L3MBTL4: variants seen among roughly 807,000 people sequenced by gnomAD.
L3MBTL4 encodes the protein lethal(3)malignant brain tumor-like protein 4.
A neutral mutation model predicts 84.5 loss-of-function variants in L3MBTL4; 70 were observed. The observed-to-expected ratio is 0.83, with a 90% CI of 0.68 to 1.01. The LOEUF (loss-of-function observed/expected upper bound fraction) is 1.01, where lower values mean the gene tolerates loss of function less well. Among genes scored for constraint, L3MBTL4 ranks in the 50% least tolerant of loss-of-function variants. The pLI is 0.00. For synonymous variants in L3MBTL4, 274 were observed against 259.8 expected, an observed-to-expected ratio of 1.05 and a Z score of -0.52; for missense variants, 715 against 754.8, an observed-to-expected ratio of 0.95 and a Z score of 0.62.
chr18:6,079,719 A>C (rs1326967261), intron 16 of L3MBTL4, among the ~76,000 whole-genome samples: 1 of 152,094 alleles, frequency 6.6e-6, no homozygotes, highest in Non-Finnish European at 1.5e-5. Context: ...CTTTTTTTTT[A>C]AGGCTTCTTA....
In L3MBTL4 at chr18:6,153,522, A is replaced by G. The variant is rs112795366; in HGVS notation, c.1097-15226T>C. On this transcript the variant is annotated intron_variant, in intron 13 of 18. Transcript: ENST00000317931. ...CTCATTGTTAGTGTATAAAGACCCA[A>G]CTGATTTTTGTATATTGATTTTGTA... 4.6e-3 allele frequency among the ~76,000 whole-genome samples: 707 copies of G among 152,248 alleles called. 3 individuals carry two copies. Among genetic ancestry groups the G allele is most frequent in the African/African-American group, 0.016 (684 of 41,548 alleles).
intron 14 of L3MBTL4, among the ~76,000 whole-genome samples, chr18:6,102,193 G>C (rs1048353001): frequency 9.2e-5 from 14 of 152,296 alleles, no homozygotes; most frequent in African/African-American, 3.4e-4. Flanking sequence ...CAGCTCAGCA[G>C]CACATCAGTG....
At chr18:6,253,342 C>G (rs1406971490) in intron 5 of L3MBTL4, among the ~76,000 whole-genome samples, 1 of 152,242 alleles carries the variant, frequency 6.6e-6, no homozygotes, top group Admixed American at 6.5e-5. Flanking sequence ...AATTCAAATT[C>G]AGGCCTTGGC....
At chr18:6,081,933 C>T (rs1156907498) in intron 15 of L3MBTL4, among the ~76,000 whole-genome samples, 1 of 152,094 alleles carries the variant, frequency 6.6e-6, no homozygotes, top group Non-Finnish European at 1.5e-5. Flanking sequence ...CTATTGAACT[C>T]CAACTTTGGA....
At chr18:6,244,457 G>GC (rs1377383017) in intron 6 of L3MBTL4, 27 bp downstream of exon 6, 2 of 1,431,146 alleles carry the variant, frequency 1.4e-6, no homozygotes, top group Admixed American at 3.4e-5. Context: ...TAGGCAATTA[G>GC]CCCAAGACAG....
Position 6,289,077 on chromosome 18 carries a change from T to C in L3MBTL4, c.127+12826A>G, listed in dbSNP as rs530073504. On this transcript the variant is annotated intron_variant, in intron 4 of 18. Transcript: ENST00000317931. ...TATATAGTAAGTTGTTGTCCTAAGA[T>C]AAAATGATTGGTTGTCCCAAAGTTT... Among the ~76,000 whole-genome samples, 8 of 152,130 alleles carry C rather than the reference T, an allele frequency of 5.3e-5. No individual in the cohort carries two copies. In the East Asian group the frequency reaches 1.5e-3, roughly 29 times the overall value.
chr18:6,114,727 T>C (rs149092294), intron 14 of L3MBTL4, among the ~76,000 whole-genome samples: 4 of 152,358 alleles, frequency 2.6e-5, no homozygotes, highest in African/African-American at 9.6e-5. Flanking sequence ...GATTCTCAAA[T>C]CTATTTTTCA....
intron 3 of L3MBTL4, among the ~76,000 whole-genome samples, chr18:6,310,005 C>T (rs1192817150): frequency 6.6e-6 from 1 of 152,098 alleles, no homozygotes; most frequent in Non-Finnish European, 1.5e-5. Flanking sequence ...ATTGCTGGGC[C>T]CCACCCCTAG....
chr18:5,998,297 G>T (rs2054067681), intron 16 of L3MBTL4, among the ~76,000 whole-genome samples: 1 of 152,182 alleles, frequency 6.6e-6, no homozygotes. Flanking sequence ...GCGGGAGGGG[G>T]ACTAGGAACA....
chr18:6,196,227 A>G lies in L3MBTL4; in HGVS notation c.981+16922T>C, dbSNP rs544844127. Reference sequence around the variant, plus strand: ...GGCTGTACTGCAGTGGCATGATCTCAGCTCACTGCAAGCTCCACCTCCCGG... The same window carrying G: ...GGCTGTACTGCAGTGGCATGATCTCGGCTCACTGCAAGCTCCACCTCCCGG... On this transcript the variant is annotated intron_variant, in intron 12 of 18. Transcript: ENST00000317931. Among the ~76,000 whole-genome samples, 100 of 142,176 alleles carry G rather than the reference A, an allele frequency of 7.0e-4. 1 individual carries two copies. In the Middle Eastern group the frequency reaches 0.011, roughly 16 times the overall value. The allele number at this position is 142,176 out of a possible 152,430, so 93.3% of individuals were successfully genotyped here.
intron 10 of L3MBTL4, among the ~76,000 whole-genome samples, chr18:6,222,049 C>G (rs1334163617): frequency 2.0e-5 from 3 of 152,182 alleles, no homozygotes; most frequent in Admixed American, 6.5e-5. Context: ...TCAATCGTGG[C>G]CAAGCCTAAT....
intron 14 of L3MBTL4, among the ~76,000 whole-genome samples, chr18:6,133,333 T>TCACACACACACACACACACACACACA (rs71699994): frequency 1.4e-5 from 2 of 146,694 alleles, no homozygotes; most frequent in African/African-American, 5.0e-5. Flanking sequence ...CAGCTCTAGA[T>TCACACACACACACACACACACACACA]CACACACACA....
chr18:6,016,802 G>A (rs2055003795), intron 16 of L3MBTL4, among the ~76,000 whole-genome samples: 1 of 152,230 alleles, frequency 6.6e-6, no homozygotes, highest in South Asian at 2.1e-4. Context: ...TTCCTGGTGA[G>A]GATGATAGCT....
At chr18:6,179,273 T>C (rs531213629) in intron 12 of L3MBTL4, among the ~76,000 whole-genome samples, 128 of 152,310 alleles carry the variant, frequency 8.4e-4, no homozygotes, top group African/African-American at 2.9e-3. Flanking sequence ...AGCGCAGACA[T>C]GATGTTAACT....
intron 15 of L3MBTL4, among the ~76,000 whole-genome samples, chr18:6,091,234 T>C (rs904760954): frequency 5.3e-5 from 8 of 151,580 alleles, no homozygotes; most frequent in African/African-American, 1.9e-4. Flanking sequence ...TGTTCTCTTT[T>C]GTTCCCTTGC....
intron 3 of L3MBTL4, among the ~76,000 whole-genome samples, chr18:6,302,650 T>C (rs1464379396): frequency 6.6e-6 from 1 of 152,196 alleles, no homozygotes; most frequent in East Asian, 1.9e-4. Flanking sequence ...ATATGTGTCT[T>C]CTTTATGTCA....
chr18:5,962,263 G>A (rs2095267257), intron 17 of L3MBTL4, among the ~76,000 whole-genome samples: 1 of 152,146 alleles, frequency 6.6e-6, no homozygotes, highest in Non-Finnish European at 1.5e-5. Flanking sequence ...GAAGAAGGGG[G>A]TCTGTGAGAG....
At chr18:6,401,369 C>T (rs2055504315) in intron 1 of L3MBTL4, among the ~76,000 whole-genome samples, 1 of 152,048 alleles carries the variant, frequency 6.6e-6, no homozygotes, top group Non-Finnish European at 1.5e-5. Context: ...ATGTCAAAAA[C>T]CATTAAAATA....
chr18:6,120,973 A>G (rs946464917), intron 14 of L3MBTL4, among the ~76,000 whole-genome samples: 1 of 152,194 alleles, frequency 6.6e-6, no homozygotes, highest in East Asian at 1.9e-4. Context: ...CTTCTTGGAC[A>G]TATGACTAGG....
Sources: gnomAD v4.1 joint callset for allele counts (sites outside exome capture counted in the v4.1 genomes callset) on GRCh38, gnomAD v4.1.1 for gene constraint, MANE v1.5 for transcripts, NCBI Gene and HGNC (gene_info 2026-07-23, HGNC 2026-07-21) for gene names.